FARP1: variants seen among roughly 807,000 people sequenced by gnomAD.
FARP1 encodes the protein FERM, ARHGEF and pleckstrin domain-containing protein 1.
FARP1 carries 52 observed loss-of-function variants against 128.8 expected under a neutral mutation model. The observed-to-expected ratio is 0.40, with a 90% CI of 0.32 to 0.51. The LOEUF (loss-of-function observed/expected upper bound fraction) is 0.51, where lower values mean the gene tolerates loss of function less well. FARP1 is among the 20% of genes least tolerant of loss of function. FARP1 has a pLI of 0.45. For missense variants in FARP1, 1,333 were observed against 1,367.9 expected (o/e 0.97, Z 0.40); for synonymous variants, 580 against 551.8 (o/e 1.05, Z -0.72).
At chr13:98,249,023 C>A (rs1180086589) in intron 2 of FARP1, among the ~76,000 whole-genome samples, 1 of 152,106 alleles carries the variant, frequency 6.6e-6, no homozygotes, top group Admixed American at 6.6e-5. Context: ...AGTAAAGTGT[C>A]TTTTAACAGA....
In FARP1 at chr13:98,218,688, C is replaced by T. The variant is rs78270269; in HGVS notation, c.171+5275C>T. Among the ~76,000 whole-genome samples the T allele has an allele frequency of 6.5e-3, 985 of 152,224 alleles. 7 individuals carry two copies. Among genetic ancestry groups the T allele is most frequent in the Non-Finnish European group, 9.8e-3 (665 of 68,022 alleles). ...TATATGTCCCATGCCAGTTGCGGGC[C>T]GCAGGAAATGTTGTGATTGGCCTTA... On this transcript the variant is annotated intron_variant, in intron 2 of 26. Coordinates refer to ENST00000319562, the MANE Select transcript of FARP1 (RefSeq NM_005766.4).
chr13:98,372,328 G>A (rs1351942489), intron 5 of FARP1, among the ~76,000 whole-genome samples: 1 of 152,072 alleles, frequency 6.6e-6, no homozygotes, highest in Non-Finnish European at 1.5e-5. Flanking sequence ...CTCATGATCT[G>A]CCTGTCTTGG....
Position 98,365,872 on chromosome 13 carries a change from G to T in FARP1, c.319+435G>T, listed in dbSNP as rs544379704. ...TGTTTGGGAAAAAGAGTGGCCGAAA[G>T]TGTGAGTGTGTGTGTGTATGTGGTG... On this transcript the variant is annotated intron_variant, in intron 4 of 26. Coordinates refer to ENST00000319562, the MANE Select transcript of FARP1 (RefSeq NM_005766.4). Among the ~76,000 whole-genome samples the T allele has an allele frequency of 2.9e-4, 41 of 140,872 alleles. No homozygotes were observed. In the South Asian group the frequency reaches 7.4e-3, roughly 25 times the overall value. 92.4% of individuals were successfully genotyped at this position (140,872 alleles called of 152,430 possible).
rs191085920 is a variant in FARP1 at position 98,163,335 on chromosome 13, G to A, written c.-24+19843G>A. On this transcript the variant is annotated intron_variant, in intron 1 of 26. Transcript: ENST00000319562. ...GCCTACTTGGAGAAGGGTGGCAGGA[G>A]GGGGAGGAGCAGGAAAAGTAACTGT... Among the ~76,000 whole-genome samples, 458 of 152,228 alleles carry A rather than the reference G, an allele frequency of 3.0e-3. 7 individuals carry two copies. Among genetic ancestry groups the A allele is most frequent in the African/African-American group, 0.01 (425 of 41,540 alleles).
chr13:98,448,532 G>A lies in FARP1; in HGVS notation c.*215G>A. The A allele has an allele frequency of 1.1e-5, 6 of 566,094 alleles. No homozygotes were observed. In the South Asian group the frequency reaches 1.3e-4, roughly 12 times the overall value. The allele number at this position is 566,094 out of a possible 1,614,324, so 35.1% of individuals were successfully genotyped here. A position where few individuals can be genotyped will look rare whatever the true frequency, so the allele number is the denominator to read the frequency against. The stretch of plus-strand genomic sequence containing the variant: ...CCTCCAGTCCTGGCATCCGCTGGGG[G>A]CGCTGTTCTTTAGCTAGTGCCAGTA... On this transcript the variant is annotated 3_prime_UTR_variant, in exon 27 of 27. Transcript: ENST00000319562.
chr13:98,287,369 A>G (rs1210953315), intron 2 of FARP1, among the ~76,000 whole-genome samples: 1 of 151,414 alleles, frequency 6.6e-6, no homozygotes, highest in Non-Finnish European at 1.5e-5. Flanking sequence ...AGCTGGGACT[A>G]CAGGCGCCCG....
At chr13:98,443,658 C>CGGCA (rs1892625777) in intron 24 of FARP1, among the ~76,000 whole-genome samples, 3 of 152,212 alleles carry the variant, frequency 2.0e-5, no homozygotes, top group Non-Finnish European at 2.9e-5. Flanking sequence ...GTGGGCAAGC[C>CGGCA]GGCAGGCCTG....
chr13:98,177,666 C>CA (rs58126526), intron 1 of FARP1, among the ~76,000 whole-genome samples: 51 of 145,912 alleles, frequency 3.5e-4, no homozygotes, highest in Non-Finnish European at 4.2e-4. Context: ...AAAAAAAAAC[C>CA]AAAAAAAAAG....
Position 98,176,099 on chromosome 13 carries a change from T to G in FARP1, c.-24+32607T>G. 7.3e-7 allele frequency: 1 copy of G among 1,376,886 alleles called. No homozygotes were observed. The highest frequency in any genetic ancestry group is 2.3e-5 in the East Asian group (1 of 43,784). The allele number at this position is 1,376,886 out of a possible 1,614,324, so 85.3% of individuals were successfully genotyped here. A position where few individuals can be genotyped will look rare whatever the true frequency, so the allele number is the denominator to read the frequency against. ...CAGGCATGGGATTGCAGGAAGACTG[T>G]CATCTCTCTCATCTTACTCAACAGG... On this transcript the variant is annotated intron_variant, in intron 1 of 26. Coordinates refer to ENST00000319562, the MANE Select transcript of FARP1 (RefSeq NM_005766.4). The surrounding 1 kb of genome is among the most constrained non-coding windows in gnomAD (Gnocchi z 6.2).
chr13:98,236,843 T>C (rs548940329), intron 2 of FARP1, among the ~76,000 whole-genome samples: 1 of 151,376 alleles, frequency 6.6e-6, no homozygotes, highest in Non-Finnish European at 1.5e-5. Flanking sequence ...CAAAAATAAA[T>C]TCGCCAGGCG....
At chr13:98,259,091 A>G (rs1194804169) in intron 2 of FARP1, among the ~76,000 whole-genome samples, 5 of 151,982 alleles carry the variant, frequency 3.3e-5, no homozygotes, top group Non-Finnish European at 7.4e-5. Context: ...TGTGCCTATA[A>G]ACACAGCTAC....
intron 2 of FARP1, among the ~76,000 whole-genome samples, chr13:98,232,737 G>A (rs978062841): frequency 2.3e-4 from 35 of 152,104 alleles, no homozygotes; most frequent in African/African-American, 8.0e-4. Context: ...GCTTTATTGC[G>A]GTGGTCTGGA....
At position 98,204,502 on chromosome 13, in the gene FARP1, C is replaced by A. The variant is rs548944443; in HGVS notation, c.-23-8718C>A. 5.7e-4 allele frequency among the ~76,000 whole-genome samples: 87 copies of A among 152,230 alleles called. 1 individual carries two copies. Among genetic ancestry groups the A allele is most frequent in the African/African-American group, 1.9e-3 (79 of 41,536 alleles). ...ATTATATAATATTCTGTGGCTGTTA[C>A]AATTATTTTTTTCTTTCTCTTAAAG... is the stretch of plus-strand genomic sequence containing the variant. On this transcript the variant is annotated intron_variant, in intron 1 of 26. Coordinates refer to ENST00000319562, the MANE Select transcript of FARP1 (RefSeq NM_005766.4).
intron 8 of FARP1, among the ~76,000 whole-genome samples, chr13:98,387,783 G>A (rs984590419): frequency 6.6e-6 from 1 of 152,208 alleles, no homozygotes; most frequent in African/African-American, 2.4e-5. Context: ...CGGTGCTGTT[G>A]GAAGCTTGAT....
At position 98,295,104 on chromosome 13, in the gene FARP1, C is replaced by T. The variant is rs1393429476; in HGVS notation, c.172-48658C>T. ...ACACACACACACACACACACACACA[C>T]ATATATCCCCAGGCATTATTTATTT... On this transcript the variant is annotated intron_variant, in intron 2 of 26. Transcript: ENST00000319562. Among the ~76,000 whole-genome samples the T allele has an allele frequency of 3.8e-3, 96 of 25,494 alleles. 3 individuals are homozygous for T. In the Middle Eastern group the frequency reaches 0.11, roughly 30 times the overall value. The allele number at this position is 25,494 out of a possible 152,430, so 16.7% of individuals were successfully genotyped here.
At chr13:98,365,890 ATGTGGTGTGTGTGTGTGTGTGTG>A (rs1889059946) in intron 4 of FARP1, among the ~76,000 whole-genome samples, 2 of 92,342 alleles carry the variant, frequency 2.2e-5, no homozygotes, top group South Asian at 7.1e-4. Context: ...GTGTGTGTGT[ATGTGGTGTGTGTGTGTGTGTGTG>A]TGTGTTTCTG....
intron 1 of FARP1, among the ~76,000 whole-genome samples, chr13:98,179,928 C>T (rs1372119668): frequency 6.6e-6 from 1 of 152,110 alleles, no homozygotes; most frequent in Non-Finnish European, 1.5e-5. Flanking sequence ...ATCTGATTCC[C>T]ACCTTTGGTT....
rs762547925 is a variant in FARP1, at chr13:98,431,262, G to T, written c.2125G>T (p.Asp709Tyr). 6 of 1,589,086 alleles carry T rather than the reference G, an allele frequency of 3.8e-6. No homozygotes were observed. In the African/African-American group the frequency reaches 5.4e-5, roughly 14 times the overall value. Residue 709 changes from aspartate to tyrosine, a missense_variant, in exon 18 of 27, where the codon GAC becomes TAC. Around this residue, in one of 2 missense-constraint regions of FARP1, gnomAD observed 1,009 missense variants for 969.8 expected, o/e 1.04. Transcript: ENST00000319562. ...CAAACACCACCCGCCGAGCCACGCC[G>T]ACTTCAGGGACTGCCGAGGTGAGTG... ...LCKHHPPSHA[D>Y]FRDCRAALAE...
intron 2 of FARP1, among the ~76,000 whole-genome samples, chr13:98,253,879 A>G (rs185184698): frequency 3.8e-4 from 58 of 152,306 alleles, no homozygotes; most frequent in African/African-American, 1.3e-3. Flanking sequence ...GTCAGAATCC[A>G]CTGTCTTGTT....
Sources: allele counts gnomAD v4.1 joint callset (sites outside exome capture counted in the v4.1 genomes callset), GRCh38; gene constraint gnomAD v4.1.1; regional missense constraint gnomAD v4.1.1; non-coding constraint Gnocchi (gnomAD v3.1); transcripts MANE v1.5; gene names NCBI Gene and HGNC (gene_info 2026-07-23, HGNC 2026-07-21).